The following GPM6B variants were observed in gnomAD, a reference collection of about 807,000 sequenced individuals.
The protein encoded by GPM6B is glycoprotein M6B, also known as neuronal membrane glycoprotein M6-b.
In GPM6B, 4 loss-of-function variants were observed where a neutral mutation model predicts 27.2. The observed-to-expected ratio is 0.15, with a 90% CI of 0.07 to 0.34. The LOEUF is 0.34. GPM6B is among the 10% of genes least tolerant of loss of function. The probability of loss-of-function intolerance (pLI) is 1.00; values close to 1 mark genes in which losing one functional copy is unlikely to be tolerated. For synonymous variants in GPM6B, 124 were observed against 103.1 expected, an observed-to-expected ratio of 1.20 and a Z score of -1.23; for missense variants, 183 against 261.9, an observed-to-expected ratio of 0.70 and a Z score of 2.08.
At chrX:13,864,209 C>A (rs1204305582) in intron 1 of GPM6B, among the ~76,000 whole-genome samples, 1 of 112,782 alleles carries the variant, frequency 8.9e-6, no homozygotes, top group Non-Finnish European at 1.9e-5. Flanking sequence ...AACCTTCTGC[C>A]ATCTCTCCAA....
At chrX:13,931,203 C>G (rs1921504909) in intron 1 of GPM6B, among the ~76,000 whole-genome samples, 1 of 106,907 alleles carries the variant, frequency 9.4e-6, no homozygotes, top group African/African-American at 3.4e-5. Flanking sequence ...AACAAAACAA[C>G]AACAACAACA....
intron 1 of GPM6B, among the ~76,000 whole-genome samples, chrX:13,885,045 C>T (rs2050121945): frequency 9.0e-6 from 1 of 111,663 alleles, no homozygotes; most frequent in South Asian, 3.8e-4. Context: ...GTCACCTCAT[C>T]GAGGGAGACA....
chrX:13,778,054 G>GT (rs34053837), intron 5 of GPM6B, among the ~76,000 whole-genome samples: 28,984 of 93,637 alleles, frequency 0.31, 3,812 homozygotes, highest in East Asian at 0.51. Flanking sequence ...AAATTGGTTT[G>GT]TTTTTTTTTT....
In GPM6B at chrX:13,785,697, G is replaced by A; in HGVS notation, c.293C>T (p.Ala98Val). 8.3e-7 allele frequency: 1 copy of A among 1,211,827 alleles called. No homozygotes were observed. Among genetic ancestry groups the A allele is most frequent in the Non-Finnish European group, 1.1e-6 (1 of 895,240 alleles). Residue 98 changes from alanine to valine, a missense_variant, in exon 3 of 8, where the codon GCT becomes GTT. Physicochemically the swap from Ala to Val is moderately conservative, Grantham distance 64. Coordinates refer to ENST00000316715, the MANE Select transcript of GPM6B (RefSeq NM_001001995.3). The part of the protein sequence containing the change: ...VALFCGCGHV[A>V]LAGTVAILEQ... ...AAGAATCGCCACGGTGCCTGCGAGA[G>A]CCACATGCCCACAGCCGCAGAATAA...
chrX:13,819,398 C>T (rs768651318), upstream of GPM6B, among the ~76,000 whole-genome samples: 1 of 111,944 alleles, frequency 8.9e-6, no homozygotes, highest in Non-Finnish European at 1.9e-5. Context: ...CAGAAAAGTT[C>T]TATATGTAGA....
At chrX:13,926,054 C>CAAAAAAAAA (rs772441542) in intron 1 of GPM6B, among the ~76,000 whole-genome samples, 1 of 99,185 alleles carries the variant, frequency 1.0e-5, no homozygotes, top group African/African-American at 3.8e-5. Context: ...GACTCCATCT[C>CAAAAAAAAA]AAAAAAAAAA....
chrX:13,795,677 T>C (rs917228936), intron 2 of GPM6B, among the ~76,000 whole-genome samples: 3 of 111,187 alleles, frequency 2.7e-5, no homozygotes, highest in Non-Finnish European at 5.7e-5. Flanking sequence ...TATAATGGAT[T>C]TGCTATTATT....
At chrX:13,791,394 A>G (rs2048710767) in intron 2 of GPM6B, among the ~76,000 whole-genome samples, 1 of 111,023 alleles carries the variant, frequency 9.0e-6, no homozygotes, top group Admixed American at 9.5e-5. Context: ...TATTTTTAGT[A>G]CAGACGGGGT....
chrX:13,830,469 T>C (rs1289242417), intron 1 of GPM6B, among the ~76,000 whole-genome samples: 4 of 112,525 alleles, frequency 3.6e-5, no homozygotes, highest in African/African-American at 1.3e-4. Flanking sequence ...TTCCTTTCAG[T>C]TCTTCCTTAC....
Position 13,780,470 on chromosome X carries a change from C to T in GPM6B, c.526-481G>A, listed in dbSNP as rs1466392681. Among the ~76,000 whole-genome samples, 3 of 112,193 alleles carry T rather than the reference C, an allele frequency of 2.7e-5. No homozygotes were observed. The Admixed American group carries it at 2.8e-4, about 11-fold the overall frequency. On this transcript the variant is annotated intron_variant, in intron 4 of 7. Transcript: ENST00000316715. ...CTTTATTTTTCGTAACAGGTTGGCTCACAGAGAATAGCAATTGCCACAAGA... is the reference window on the plus strand; with the variant it reads ...CTTTATTTTTCGTAACAGGTTGGCTTACAGAGAATAGCAATTGCCACAAGA...
intron 1 of GPM6B, among the ~76,000 whole-genome samples, chrX:13,860,797 C>T (rs771769462): frequency 5.5e-5 from 6 of 108,632 alleles, no homozygotes; most frequent in Admixed American, 1.0e-4. Context: ...AGCCTTTCCC[C>T]CCGAGTCCCC....
intron 1 of GPM6B, among the ~76,000 whole-genome samples, chrX:13,934,894 C>T (rs1426182488): frequency 9.0e-6 from 1 of 111,398 alleles, no homozygotes; most frequent in Non-Finnish European, 1.9e-5. Flanking sequence ...GCTTAACAGC[C>T]TTCTTTGCTT....
intron 1 of GPM6B, among the ~76,000 whole-genome samples, chrX:13,866,138 C>A (rs764055882): frequency 9.0e-6 from 1 of 111,506 alleles, no homozygotes; most frequent in Non-Finnish European, 1.9e-5. Context: ...CTGAGGCTGG[C>A]GGATCACCTG....
chrX:13,878,159 T>TA (rs34946712), intron 1 of GPM6B, among the ~76,000 whole-genome samples: 4,009 of 105,420 alleles, frequency 0.038, 88 homozygotes, highest in Non-Finnish European at 0.061. Context: ...ATAAAGCTGT[T>TA]AAAAAAAAAA....
At chrX:13,774,457 T>A in intron 7 of GPM6B, 1 of 1,171,504 alleles carries the variant, frequency 8.5e-7, no homozygotes, top group Non-Finnish European at 1.1e-6. Context: ...TGTAACAAAA[T>A]TGCAGAAACC....
intron 1 of GPM6B, among the ~76,000 whole-genome samples, chrX:13,847,487 T>C (rs2049663825): frequency 8.9e-6 from 1 of 112,093 alleles, no homozygotes; most frequent in Admixed American, 9.5e-5. Context: ...AATATGATCC[T>C]ATTGAGCCTC....
At chrX:13,774,241 T>C (rs1248402459) in intron 7 of GPM6B, 1 of 793,761 alleles carries the variant, frequency 1.3e-6, no homozygotes, top group Non-Finnish European at 1.5e-6. Flanking sequence ...AAAGTGTTAA[T>C]AATTCATTTA....
intron 1 of GPM6B, among the ~76,000 whole-genome samples, chrX:13,887,996 G>A (rs1359005290): frequency 8.9e-6 from 1 of 111,767 alleles, no homozygotes; most frequent in African/African-American, 3.3e-5. Flanking sequence ...TACAGCTGGC[G>A]CTAATTGCAG....
chrX:13,783,536 A>T lies in GPM6B; in HGVS notation c.369-15T>A, dbSNP rs765323508. 5 of 1,175,208 alleles carry T rather than the reference A, an allele frequency of 4.3e-6. No individual in the cohort carries two copies. In the South Asian group the frequency reaches 7.7e-5, roughly 18 times the overall value. Reference sequence around the variant, plus strand: ...TCAGTTGTATCCTACAAAGAGAAGAAGAGATCCTGAACCATTAAATTCACT... The same window carrying T: ...TCAGTTGTATCCTACAAAGAGAAGATGAGATCCTGAACCATTAAATTCACT... On this transcript the variant is annotated splice_polypyrimidine_tract_variant and intron_variant, in intron 3 of 7. Transcript: ENST00000316715.
Sources: allele counts gnomAD v4.1 joint callset (sites outside exome capture counted in the v4.1 genomes callset), GRCh38; gene constraint gnomAD v4.1.1; transcripts MANE v1.5; gene names NCBI Gene and HGNC (gene_info 2026-07-23, HGNC 2026-07-21).